The following MRTFB variants were observed in gnomAD, a reference collection of about 807,000 sequenced individuals.
The protein encoded by MRTFB is myocardin related transcription factor B, also known as myocardin-related transcription factor B.
In MRTFB, 29 loss-of-function variants were observed where a neutral mutation model predicts 104.2. The ratio of observed to expected loss-of-function variants is 0.28; its 90% CI spans 0.21 to 0.38. The LOEUF is 0.38. MRTFB is among the 10% of genes least tolerant of loss of function. The pLI, the probability that MRTFB is intolerant of heterozygous loss-of-function variation, is 1.00. For missense variants in MRTFB, 1,270 were observed against 1,341.6 expected (o/e 0.95, Z 0.83); for synonymous variants, 535 against 519.5 (o/e 1.03, Z -0.41).
intron 8 of MRTFB, among the ~76,000 whole-genome samples, chr16:14,221,382 G>A (rs1476154617): frequency 1.3e-5 from 2 of 152,170 alleles, no homozygotes; most frequent in Non-Finnish European, 2.9e-5. Flanking sequence ...CTTCTCCTTA[G>A]ACACAAAGTT....
intron 2 of MRTFB, among the ~76,000 whole-genome samples, chr16:14,103,500 G>A (rs1406077512): frequency 6.6e-6 from 1 of 152,152 alleles, no homozygotes; most frequent in East Asian, 1.9e-4. Context: ...GACAGCCCTT[G>A]TGCCTTTACT....
chr16:14,072,225 A>G lies in MRTFB; in HGVS notation c.-129+860A>G, dbSNP rs532002726. Among the ~76,000 whole-genome samples the G allele has an allele frequency of 7.2e-5, 11 of 152,284 alleles. No homozygotes were observed. The South Asian group carries it at 2.1e-3, about 29-fold the overall frequency. ...TTCTTCCCCTTTGCAGCAAACATGT[A>G]TAAAGCCCTCTTTACTACCCTGAAA... On this transcript the variant is annotated intron_variant, in intron 1 of 16. Transcript: ENST00000571589.
chr16:14,043,408 G>C, the MRTFB span, among the ~76,000 whole-genome samples: 1 of 151,952 alleles, frequency 6.6e-6, no homozygotes, highest in Non-Finnish European at 1.5e-5. Context: ...CAGAGGCCAC[G>C]AGGCATTTCT....
the MRTFB span, among the ~76,000 whole-genome samples, chr16:14,037,915 T>C: frequency 6.6e-6 from 1 of 152,210 alleles, no homozygotes; most frequent in Admixed American, 6.5e-5. Context: ...TTGTATTAAA[T>C]ATTTTCTCTG....
At chr16:14,116,134 T>A (rs1427591188) in intron 2 of MRTFB, among the ~76,000 whole-genome samples, 1 of 152,214 alleles carries the variant, frequency 6.6e-6, no homozygotes, top group Non-Finnish European at 1.5e-5. Flanking sequence ...GGGCCCATTT[T>A]ACCTCTCCTG....
intron 8 of MRTFB, among the ~76,000 whole-genome samples, chr16:14,222,422 G>C (rs944396835): frequency 6.6e-6 from 1 of 151,634 alleles, no homozygotes; most frequent in Non-Finnish European, 1.5e-5. Context: ...TTTTTTGTGT[G>C]ATTTTTTTTT....
intron 2 of MRTFB, among the ~76,000 whole-genome samples, chr16:14,120,238 A>G (rs568227562): frequency 6.6e-6 from 1 of 152,194 alleles, no homozygotes; most frequent in African/African-American, 2.4e-5. Context: ...GTTCTCCATC[A>G]TGGCTTATCT....
chr16:14,160,957 G>C (rs912690018), intron 3 of MRTFB, among the ~76,000 whole-genome samples: 2 of 152,084 alleles, frequency 1.3e-5, no homozygotes, highest in South Asian at 2.1e-4. Flanking sequence ...AGCCCTTGCT[G>C]TAAGAATTTC....
chr16:14,041,769 A>G, the MRTFB span, among the ~76,000 whole-genome samples: 2 of 151,664 alleles, frequency 1.3e-5, no homozygotes, highest in African/African-American at 2.4e-5. Context: ...TCTACTAAAA[A>G]TACAAAATTA....
At chr16:14,239,664 G>A (rs1199041751) in intron 9 of MRTFB, among the ~76,000 whole-genome samples, 1 of 152,108 alleles carries the variant, frequency 6.6e-6, no homozygotes, top group African/African-American at 2.4e-5. Flanking sequence ...TGAGATGAGG[G>A]ATACATGGTC....
At chr16:14,033,792 C>T in the MRTFB span, among the ~76,000 whole-genome samples, 103 of 144,514 alleles carry the variant, frequency 7.1e-4, no homozygotes, top group Middle Eastern at 3.6e-3. Context: ...GCTGAGATCG[C>T]GCCACTGCAC....
intron 8 of MRTFB, among the ~76,000 whole-genome samples, chr16:14,224,267 A>G (rs1164622715): frequency 1.3e-5 from 2 of 151,430 alleles, no homozygotes; most frequent in African/African-American, 2.5e-5. Flanking sequence ...GATTCAAATT[A>G]TATCAGCATT....
At chr16:14,227,284 AC>A (rs199735050) in intron 8 of MRTFB, among the ~76,000 whole-genome samples, 1,345 of 120,166 alleles carry the variant, frequency 0.011, 18 homozygotes, top group African/African-American at 0.055. Flanking sequence ...TGTTAAAAAA[AC>A]AAAAACAAAA....
chr16:14,075,688 C>T (rs374193668), intron 1 of MRTFB, among the ~76,000 whole-genome samples: 1 of 152,182 alleles, frequency 6.6e-6, no homozygotes, highest in African/African-American at 2.4e-5. Context: ...TTTCTGTTCT[C>T]TCTTCTAATT....
chr16:14,071,864 C>T (rs1245652470), intron 1 of MRTFB, among the ~76,000 whole-genome samples: 1 of 152,158 alleles, frequency 6.6e-6, no homozygotes, highest in Non-Finnish European at 1.5e-5. Flanking sequence ...GACCAGGCTT[C>T]AGAGGGGGTG....
intron 8 of MRTFB, among the ~76,000 whole-genome samples, chr16:14,227,589 A>G (rs1175576723): frequency 1.3e-5 from 2 of 151,984 alleles, no homozygotes; most frequent in East Asian, 1.9e-4. Flanking sequence ...ACGGCTCACT[A>G]CAACCTCCAC....
chr16:14,120,257 T>C (rs533986459), intron 2 of MRTFB, among the ~76,000 whole-genome samples: 2 of 152,344 alleles, frequency 1.3e-5, no homozygotes, highest in South Asian at 4.1e-4. Context: ...CTTTCCACTT[T>C]GTGGTATGCT....
the MRTFB span, among the ~76,000 whole-genome samples, chr16:14,005,885 T>C: frequency 6.6e-6 from 1 of 152,216 alleles, no homozygotes; most frequent in South Asian, 2.1e-4. Flanking sequence ...GTATGTGGGA[T>C]AATATCATGT....
intron 3 of MRTFB, among the ~76,000 whole-genome samples, chr16:14,198,955 T>C (rs1336120406): frequency 6.6e-6 from 1 of 152,206 alleles, no homozygotes; most frequent in East Asian, 1.9e-4. Context: ...TTCCCTCTCT[T>C]TTGCTCTTCA....
Sources: gnomAD v4.1 joint callset for allele counts (sites outside exome capture counted in the v4.1 genomes callset) on GRCh38, gnomAD v4.1.1 for gene constraint, MANE v1.5 for transcripts, NCBI Gene and HGNC (gene_info 2026-07-23, HGNC 2026-07-21) for gene names.